SULF1: variants seen among roughly 807,000 people sequenced by gnomAD.
The protein encoded by SULF1 is sulfatase 1.
In SULF1, 46 loss-of-function variants were observed where a neutral mutation model predicts 110.5. The ratio of observed to expected loss-of-function variants is 0.42; its 90% CI spans 0.33 to 0.53. SULF1 has a LOEUF of 0.53. Ranked by LOEUF, SULF1 falls within the 20% of genes least tolerant of loss-of-function variation. The pLI is 0.12. For synonymous variants in SULF1, 371 were observed against 387.1 expected (o/e 0.96, Z 0.49); for missense variants, 941 against 1,094.2 (o/e 0.86, Z 1.98).
intron 8 of SULF1, among the ~76,000 whole-genome samples, chr8:69,593,584 C>T (rs1001552017): frequency 2.6e-5 from 4 of 152,154 alleles, no homozygotes; most frequent in African/African-American, 9.7e-5. Flanking sequence ...AGAGAGGAAG[C>T]CAGTTCGCTA....
chr8:69,567,702 A>T (rs1244121857), intron 5 of SULF1, among the ~76,000 whole-genome samples: 1 of 152,194 alleles, frequency 6.6e-6, no homozygotes, highest in Non-Finnish European at 1.5e-5. Context: ...TTTTCATTGC[A>T]TATATGTACC....
rs5892201 is a variant in SULF1 at position 69,534,870 on chromosome 8, T to TAA, written c.-133-28658_-133-28657dup. 1.0e-4 allele frequency among the ~76,000 whole-genome samples: 15 copies of TAA among 149,310 alleles called. 1 individual carries two copies. Among genetic ancestry groups the TAA allele is most frequent in the Admixed American group, 2.0e-4 (3 of 15,018 alleles). On this transcript the variant is annotated intron_variant, in intron 3 of 22. Transcript: ENST00000402687. ...AATGAATTAATACTTAAAGGAAATT[T>TAA]AAAAAAAAAAAATTCAGCTAAGAGA...
chr8:69,488,388 A>T (rs956264162), upstream of SULF1, among the ~76,000 whole-genome samples: 2 of 152,356 alleles, frequency 1.3e-5, no homozygotes, highest in East Asian at 3.9e-4. Flanking sequence ...AAGCCATCTC[A>T]GGAAAGAGAA....
At chr8:69,630,456 T>C (rs928137123) in intron 19 of SULF1, among the ~76,000 whole-genome samples, 2 of 152,330 alleles carry the variant, frequency 1.3e-5, no homozygotes, top group Middle Eastern at 6.8e-3. Context: ...CTCCAAAGAA[T>C]TGATAGACCA....
At chr8:69,627,418 A>ACATACC in intron 16 of SULF1, 112 bp downstream of exon 16, 1 of 643,014 alleles carries the variant, frequency 1.6e-6, no homozygotes, top group Non-Finnish European at 2.5e-6. Flanking sequence ...TAATTATGTG[A>ACATACC]AAAAATACAA....
At position 69,540,450 on chromosome 8, in the gene SULF1, T is replaced by G. The variant is rs182254044; in HGVS notation, c.-133-23089T>G. Among the ~76,000 whole-genome samples the G allele has an allele frequency of 1.1e-4, 16 of 152,336 alleles. No individual in the cohort carries two copies. In the East Asian group the frequency reaches 3.1e-3, roughly 29 times the overall value. On this transcript the variant is annotated intron_variant, in intron 3 of 22. Coordinates refer to ENST00000402687, the MANE Select transcript of SULF1 (RefSeq NM_001128205.2). ...TATATTTTATGGACGAGAAATTATG[T>G]TTCACAGAGGACATCTACTTCTCAA...
chr8:69,632,594 A>AAAG (rs1810662097), intron 19 of SULF1, among the ~76,000 whole-genome samples: 1 of 152,120 alleles, frequency 6.6e-6, no homozygotes, highest in East Asian at 1.9e-4. Context: ...AGTCAAATCC[A>AAAG]CCCAGGCACA....
intron 13 of SULF1, among the ~76,000 whole-genome samples, chr8:69,620,529 T>A (rs1307621353): frequency 6.6e-6 from 1 of 152,186 alleles, no homozygotes; most frequent in Non-Finnish European, 1.5e-5. Flanking sequence ...CTGGGGTATA[T>A]GAGAGTTGGC....
chr8:69,545,727 G>A (rs532816601), intron 3 of SULF1, among the ~76,000 whole-genome samples: 27 of 152,036 alleles, frequency 1.8e-4, no homozygotes, highest in South Asian at 4.2e-4. Flanking sequence ...ACAGAGTTTC[G>A]CTCTTTTCGC....
intron 6 of SULF1, among the ~76,000 whole-genome samples, chr8:69,583,650 T>C (rs1448094445): frequency 1.3e-5 from 2 of 152,144 alleles, no homozygotes; most frequent in Non-Finnish European, 2.9e-5. Flanking sequence ...CCAGAATACA[T>C]TGGATTCATG....
intron 1 of SULF1, among the ~76,000 whole-genome samples, chr8:69,494,744 G>C (rs1436553192): frequency 6.6e-6 from 1 of 152,126 alleles, no homozygotes; most frequent in African/African-American, 2.4e-5. Flanking sequence ...ACTGAGCCTT[G>C]TGACACACAC....
upstream of SULF1, among the ~76,000 whole-genome samples, chr8:69,491,206 G>C (rs562626637): frequency 5.9e-5 from 9 of 152,258 alleles, no homozygotes; most frequent in South Asian, 1.9e-3. Context: ...AAAAATAACA[G>C]GGGAAATGTC....
intron 5 of SULF1, among the ~76,000 whole-genome samples, chr8:69,574,740 G>A (rs933684296): frequency 3.9e-5 from 6 of 152,206 alleles, no homozygotes; most frequent in African/African-American, 1.2e-4. Flanking sequence ...ACTACAAAAG[G>A]TTGCTTGATG....
At chr8:69,654,697 T>C (rs1812586410) in intron 22 of SULF1, among the ~76,000 whole-genome samples, 2 of 152,160 alleles carry the variant, frequency 1.3e-5, no homozygotes, top group South Asian at 2.1e-4. Flanking sequence ...TCTCCTCTTA[T>C]CCTCCTGCAA....
chr8:69,515,614 G>A (rs1368919638), intron 3 of SULF1, among the ~76,000 whole-genome samples: 1 of 152,080 alleles, frequency 6.6e-6, no homozygotes, highest in Non-Finnish European at 1.5e-5. Flanking sequence ...CCAGAAAATG[G>A]GTTTTTCTTT....
chr8:69,615,146 C>T (rs1411775240), intron 13 of SULF1, among the ~76,000 whole-genome samples: 1 of 152,204 alleles, frequency 6.6e-6, no homozygotes, highest in African/African-American at 2.4e-5. Flanking sequence ...TAGCAGGTGC[C>T]TCACCTGAGC....
chr8:69,549,333 A>C (rs1379731267), intron 3 of SULF1, among the ~76,000 whole-genome samples: 2 of 152,168 alleles, frequency 1.3e-5, no homozygotes, highest in East Asian at 3.8e-4. Context: ...TGGAACTTTT[A>C]AATAGTTCAA....
chr8:69,597,407 C>T (rs1457531298), intron 8 of SULF1: 1 of 152,226 alleles, frequency 6.6e-6, no homozygotes, highest in Non-Finnish European at 1.5e-5. Flanking sequence ...CTGCTGAGAT[C>T]CCACCTGGGA....
At chr8:69,632,172 A>G (rs1319515881) in intron 19 of SULF1, among the ~76,000 whole-genome samples, 1 of 152,200 alleles carries the variant, frequency 6.6e-6, no homozygotes, top group African/African-American at 2.4e-5. Context: ...CGTGCCTGCC[A>G]TCACTCTGCT....
Sources: gnomAD v4.1 joint callset for allele counts (sites outside exome capture counted in the v4.1 genomes callset) on GRCh38, gnomAD v4.1.1 for gene constraint, MANE v1.5 for transcripts, NCBI Gene and HGNC (gene_info 2026-07-23, HGNC 2026-07-21) for gene names.